WDR70: variants seen among roughly 807,000 people sequenced by gnomAD.
WDR70 encodes the protein WD repeat-containing protein 70.
In WDR70, 53 loss-of-function variants were observed where a neutral mutation model predicts 88.6. That is an observed-to-expected ratio of 0.60 (90% CI 0.48 to 0.75). WDR70 has a LOEUF of 0.75. Ranked by LOEUF, WDR70 falls within the 30% of genes least tolerant of loss-of-function variation. The pLI is 0.00. For missense variants in WDR70, 610 were observed against 823.2 expected, an observed-to-expected ratio of 0.74 and a Z score of 3.17; for synonymous variants, 280 against 270.0, an observed-to-expected ratio of 1.04 and a Z score of -0.36.
intron 9 of WDR70, among the ~76,000 whole-genome samples, chr5:37,528,728 G>A (rs1469005648): frequency 6.6e-6 from 1 of 152,126 alleles, no homozygotes; most frequent in African/African-American, 2.4e-5. Flanking sequence ...TTTATCGGAT[G>A]CAGAGATTAT....
chr5:37,708,711 GT>G (rs1747427793), intron 13 of WDR70, among the ~76,000 whole-genome samples: 1 of 152,134 alleles, frequency 6.6e-6, no homozygotes, highest in South Asian at 2.1e-4. Context: ...TCAGACTATA[GT>G]CAGCCTCCAT....
At chr5:37,718,133 A>G (rs2112690105) in intron 13 of WDR70, among the ~76,000 whole-genome samples, 1 of 152,266 alleles carries the variant, frequency 6.6e-6, no homozygotes, top group Admixed American at 6.5e-5. Flanking sequence ...GCTTCTCTGT[A>G]AGAACATATA....
chr5:37,533,435 CAACAACAA>C (rs1741559831), intron 9 of WDR70, among the ~76,000 whole-genome samples: 1 of 150,092 alleles, frequency 6.7e-6, no homozygotes, highest in East Asian at 2.3e-4. Flanking sequence ...CTACTTAAAA[CAACAACAA>C]AACAACAAAA....
At chr5:37,735,230 G>A (rs1342700250) in intron 17 of WDR70, among the ~76,000 whole-genome samples, 3 of 152,014 alleles carry the variant, frequency 2.0e-5, no homozygotes, top group Non-Finnish European at 4.4e-5. Flanking sequence ...CTTTAAATAA[G>A]AATTAATTGC....
At chr5:37,490,384 G>A (rs1206500644) in intron 8 of WDR70, among the ~76,000 whole-genome samples, 9 of 152,074 alleles carry the variant, frequency 5.9e-5, no homozygotes. Context: ...TGACAGAGGT[G>A]GTGGGGGTGG....
At chr5:37,482,241 G>A (rs1739695372) in intron 8 of WDR70, among the ~76,000 whole-genome samples, 1 of 152,062 alleles carries the variant, frequency 6.6e-6, no homozygotes, top group African/African-American at 2.4e-5. Flanking sequence ...TATCTTTACA[G>A]CAGCACCCCA....
intron 9 of WDR70, among the ~76,000 whole-genome samples, chr5:37,560,808 G>GT (rs1156902997): frequency 1.0e-5 from 1 of 98,946 alleles, no homozygotes; most frequent in Non-Finnish European, 2.2e-5. Context: ...TGCAGAAGCA[G>GT]ATTTTTTTTT....
intron 5 of WDR70, among the ~76,000 whole-genome samples, chr5:37,431,298 G>A (rs957753872): frequency 2.0e-5 from 3 of 152,168 alleles, no homozygotes; most frequent in African/African-American, 7.2e-5. Flanking sequence ...TAAGAGTGAC[G>A]TCAGGGCTTT....
chr5:37,456,695 A>G (rs553858388), intron 7 of WDR70, among the ~76,000 whole-genome samples: 17 of 152,332 alleles, frequency 1.1e-4, no homozygotes, highest in East Asian at 3.9e-4. Context: ...ACAAAGCAGC[A>G]TGAATTACTT....
In WDR70 at chr5:37,721,464, T is replaced by C. The variant is rs1747815613; in HGVS notation, c.1517+249T>C. ...ATTTGCAGTTGTTTAGCTGAAATGT[T>C]GAGTGCAAGGGGGAAAAACGTTCTG... On this transcript the variant is annotated intron_variant, in intron 14 of 17. Coordinates refer to ENST00000265107, the MANE Select transcript of WDR70 (RefSeq NM_018034.4). 1.7e-5 allele frequency: 9 copies of C among 529,578 alleles called. No homozygotes were observed. The South Asian group carries it at 2.0e-4, about 12-fold the overall frequency. The allele number at this position is 529,578 out of a possible 1,614,324, so 32.8% of individuals were successfully genotyped here.
chr5:37,456,054 A>T (rs890655827), intron 7 of WDR70, among the ~76,000 whole-genome samples: 1 of 149,328 alleles, frequency 6.7e-6, no homozygotes, highest in Non-Finnish European at 1.5e-5. Context: ...AAGCTTCTAT[A>T]AATACTCCGT....
intron 10 of WDR70, among the ~76,000 whole-genome samples, chr5:37,612,172 G>T (rs1029640623): frequency 4.6e-5 from 7 of 152,080 alleles, no homozygotes; most frequent in Admixed American, 2.0e-4. Context: ...ATGATTTAGA[G>T]AATGTTTCTG....
At chr5:37,476,062 G>T (rs1202248850) in intron 7 of WDR70, among the ~76,000 whole-genome samples, 1 of 151,684 alleles carries the variant, frequency 6.6e-6, no homozygotes, top group Non-Finnish European at 1.5e-5. Flanking sequence ...TGTTTGTCAG[G>T]CTGGTCTCAA....
chr5:37,506,764 T>G, intron 8 of WDR70: 1 of 1,287,076 alleles, frequency 7.8e-7, no homozygotes, highest in Non-Finnish European at 1.1e-6. Context: ...AGTTTACTGC[T>G]GGCCACAGAA....
At chr5:37,711,729 C>T (rs1384359998) in intron 13 of WDR70, among the ~76,000 whole-genome samples, 1 of 152,142 alleles carries the variant, frequency 6.6e-6, no homozygotes, top group Non-Finnish European at 1.5e-5. Flanking sequence ...GTAAGGGTCT[C>T]CTCAGGGCTG....
chr5:37,721,275 C>T, intron 14 of WDR70, 60 bp downstream of exon 14: 2 of 1,432,904 alleles, frequency 1.4e-6, no homozygotes, highest in East Asian at 2.3e-5. Flanking sequence ...AGGGATTTCC[C>T]TCCCACCCCC....
At chr5:37,401,310 A>G (rs1749185534) in intron 5 of WDR70, among the ~76,000 whole-genome samples, 1 of 137,992 alleles carries the variant, frequency 7.2e-6, no homozygotes, top group Admixed American at 7.4e-5. Context: ...GCCCAGCCAA[A>G]GATTAATTTT....
intron 10 of WDR70, among the ~76,000 whole-genome samples, chr5:37,645,777 A>G (rs1399801886): frequency 6.6e-6 from 1 of 152,054 alleles, no homozygotes; most frequent in Admixed American, 6.6e-5. Flanking sequence ...TGTCTGTTAT[A>G]AACATATCTA....
chr5:37,633,038 A>G (rs1353515862), intron 10 of WDR70, among the ~76,000 whole-genome samples: 1 of 152,214 alleles, frequency 6.6e-6, no homozygotes, highest in Non-Finnish European at 1.5e-5. Context: ...CAGTATAGTA[A>G]TATTCTGTAC....
Sources: allele counts gnomAD v4.1 joint callset (sites outside exome capture counted in the v4.1 genomes callset), GRCh38; gene constraint gnomAD v4.1.1; transcripts MANE v1.5; gene names NCBI Gene and HGNC (gene_info 2026-07-23, HGNC 2026-07-21).